The following EYS variants were observed in gnomAD, a reference collection of about 807,000 sequenced individuals.
EYS encodes the protein EGF-like photoreceptor maintenance factor, also known as protein eyes shut homolog.
In EYS, 250 loss-of-function variants were observed where a neutral mutation model predicts 282.1. The ratio of observed to expected loss-of-function variants is 0.89; its 90% CI spans 0.80 to 0.98. The LOEUF (loss-of-function observed/expected upper bound fraction) is 0.98, where lower values mean the gene tolerates loss of function less well. Among genes scored for constraint, EYS ranks in the 50% least tolerant of loss-of-function variants. The pLI is 0.00. For synonymous variants in EYS, 1,355 were observed against 1,282.9 expected (o/e 1.06, Z -1.20); for missense variants, 4,016 against 3,709.0 (o/e 1.08, Z -2.15).
chr6:65,008,807 G>A (rs954273656), intron 13 of EYS, among the ~76,000 whole-genome samples: 6 of 152,094 alleles, frequency 3.9e-5, no homozygotes, highest in African/African-American at 1.4e-4. Flanking sequence ...GACCATTGAG[G>A]GCCAGGAGGT....
At chr6:65,500,356 G>A (rs1766406930) in intron 2 of EYS, among the ~76,000 whole-genome samples, 1 of 151,908 alleles carries the variant, frequency 6.6e-6, no homozygotes. Flanking sequence ...ATTTTGTTAA[G>A]AAAAACAAAG....
rs112384336 is a variant in EYS, at chr6:63,995,462, A to T, written c.6834+3613T>A. 1.3e-3 allele frequency among the ~76,000 whole-genome samples: 191 copies of T among 152,130 alleles called. 1 individual carries two copies. Among genetic ancestry groups the T allele is most frequent in the Admixed American group, 0.011 (172 of 15,250 alleles). On this transcript the variant is annotated intron_variant, in intron 34 of 42. Coordinates refer to ENST00000503581, the MANE Select transcript of EYS (RefSeq NM_001142800.2). Reference sequence around the variant, plus strand: ...TGAGCACGGTTGGTCAGGATGTAAGATGATGTAGCCACTGTAGAAAACAGT... The same window carrying T: ...TGAGCACGGTTGGTCAGGATGTAAGTTGATGTAGCCACTGTAGAAAACAGT...
intron 35 of EYS, among the ~76,000 whole-genome samples, chr6:63,924,525 G>GCTAA (rs1415138206): frequency 6.6e-6 from 1 of 152,200 alleles, no homozygotes; most frequent in Non-Finnish European, 1.5e-5. Flanking sequence ...TGCAAGGTGT[G>GCTAA]CTAACAATTA....
intron 22 of EYS, among the ~76,000 whole-genome samples, chr6:64,795,966 G>T (rs1294264075): frequency 6.6e-6 from 1 of 152,044 alleles, no homozygotes; most frequent in Non-Finnish European, 1.5e-5. Flanking sequence ...TGTTGACCTA[G>T]TTGCAGGACT....
At chr6:63,904,205 A>G (rs1773720889) in intron 35 of EYS, among the ~76,000 whole-genome samples, 1 of 152,252 alleles carries the variant, frequency 6.6e-6, no homozygotes, top group South Asian at 2.1e-4. Context: ...CTCTTGGAGT[A>G]GTAAAGGATG....
At chr6:65,165,503 T>A (rs1163240042) in intron 12 of EYS, among the ~76,000 whole-genome samples, 1 of 151,278 alleles carries the variant, frequency 6.6e-6, no homozygotes, top group South Asian at 2.1e-4. Flanking sequence ...TATTTTATCA[T>A]CTTATGAATT....
intron 35 of EYS, among the ~76,000 whole-genome samples, chr6:63,874,855 C>A (rs1221635616): frequency 6.6e-6 from 1 of 152,168 alleles, no homozygotes; most frequent in Non-Finnish European, 1.5e-5. Context: ...TGCTTATCAG[C>A]CTAAGGAGAT....
At chr6:65,459,767 T>C (rs1311295298) in intron 5 of EYS, among the ~76,000 whole-genome samples, 2 of 150,866 alleles carry the variant, frequency 1.3e-5, no homozygotes, top group Non-Finnish European at 3.0e-5. Flanking sequence ...TTTTAGCCCA[T>C]AAATATTTAA....
chr6:64,239,469 C>T (rs1418713936), intron 30 of EYS, among the ~76,000 whole-genome samples: 1 of 152,144 alleles, frequency 6.6e-6, no homozygotes, highest in East Asian at 1.9e-4. Flanking sequence ...GATGGTATCT[C>T]ATTGTGGTTT....
intron 31 of EYS, among the ~76,000 whole-genome samples, chr6:64,130,210 G>T (rs1275296937): frequency 6.6e-6 from 1 of 152,158 alleles, no homozygotes; most frequent in Non-Finnish European, 1.5e-5. Context: ...ATTCACAATA[G>T]CAAAGACTTG....
intron 22 of EYS, among the ~76,000 whole-genome samples, chr6:64,731,577 T>A (rs1771969014): frequency 6.6e-6 from 1 of 152,120 alleles, no homozygotes; most frequent in South Asian, 2.1e-4. Context: ...TCTTCACTGG[T>A]TATTAGAGAA....
intron 22 of EYS, among the ~76,000 whole-genome samples, chr6:64,790,069 A>T (rs1774143339): frequency 6.6e-6 from 1 of 151,984 alleles, no homozygotes; most frequent in Non-Finnish European, 1.5e-5. Flanking sequence ...TTTTCTCACT[A>T]GATTTGTTTT....
At chr6:64,535,613 G>A (rs1467304066) in intron 26 of EYS, among the ~76,000 whole-genome samples, 1 of 151,074 alleles carries the variant, frequency 6.6e-6, no homozygotes, top group Non-Finnish European at 1.5e-5. Flanking sequence ...GGTGGTGTGT[G>A]CCTGTACTCC....
intron 1 of EYS, among the ~76,000 whole-genome samples, chr6:65,683,372 T>A (rs1383268102): frequency 4.0e-5 from 6 of 151,590 alleles, no homozygotes. Flanking sequence ...TGAAAAACTA[T>A]CCTGCCTTTT....
intron 29 of EYS, among the ~76,000 whole-genome samples, chr6:64,339,648 G>T (rs542376101): frequency 2.0e-5 from 3 of 152,000 alleles, no homozygotes; most frequent in South Asian, 2.1e-4. Context: ...CAGAGGAAAA[G>T]AAGTCATTAT....
intron 40 of EYS, among the ~76,000 whole-genome samples, chr6:63,773,208 G>T (rs1186399938): frequency 2.0e-5 from 3 of 152,136 alleles, no homozygotes; most frequent in Admixed American, 2.0e-4. Context: ...CTCACTAATA[G>T]ATTAGTCATA....
At chr6:65,449,483 T>C (rs567616478) in intron 5 of EYS, among the ~76,000 whole-genome samples, 9 of 152,180 alleles carry the variant, frequency 5.9e-5, no homozygotes, top group South Asian at 4.1e-4. Flanking sequence ...ATCTGTACAA[T>C]TGAAAACAAA....
intron 5 of EYS, among the ~76,000 whole-genome samples, chr6:65,471,517 C>T (rs115141008): frequency 0.011 from 1,642 of 152,252 alleles, 26 homozygotes; most frequent in African/African-American, 0.037. Context: ...ATTTTCAGAT[C>T]TTGGACAACT....
At chr6:63,807,145 A>G (rs1003445153) in intron 36 of EYS, among the ~76,000 whole-genome samples, 40 of 152,164 alleles carry the variant, frequency 2.6e-4, no homozygotes, top group African/African-American at 9.7e-4. Flanking sequence ...ATAAGTCTCC[A>G]CTGGTTTTTT....
Sources: gnomAD v4.1 joint callset for allele counts (sites outside exome capture counted in the v4.1 genomes callset) on GRCh38, gnomAD v4.1.1 for gene constraint, MANE v1.5 for transcripts, NCBI Gene and HGNC (gene_info 2026-07-23, HGNC 2026-07-21) for gene names.